Variants in MASTL observed in about 807,000 individuals in gnomAD.
MASTL encodes the protein microtubule associated serine/threonine kinase like.
A neutral mutation model predicts 82.5 loss-of-function variants in MASTL; 54 were observed. The ratio of observed to expected loss-of-function variants is 0.65; its 90% confidence interval spans 0.53 to 0.82. The LOEUF is 0.82. Among genes scored for constraint, MASTL ranks in the 40% least tolerant of loss-of-function variants. The pLI is 0.00. For missense variants in MASTL, 950 were observed against 1,047.8 expected (o/e 0.91, Z 1.29); for synonymous variants, 323 against 368.9 (o/e 0.88, Z 1.43).
intron 11 of MASTL, among the ~76,000 whole-genome samples, chr10:27,184,914 A>G (rs1476855021): frequency 6.6e-6 from 1 of 152,182 alleles, no homozygotes; most frequent in Non-Finnish European, 1.5e-5. Context: ...AATGACAGGT[A>G]ATGAAATGGC....
At position 27,167,278 on chromosome 10, in the gene MASTL, TG is replaced by T. The variant is rs758376650; in HGVS notation, c.984+5del. 6 of 1,610,510 alleles carry T rather than the reference TG, an allele frequency of 3.7e-6. No homozygotes were observed. In the South Asian group the frequency reaches 6.6e-5, roughly 18 times the overall value. ...CAAATGGGAAAAAGATTGCCAGGTT[TG>T]AGGGACATTTATCTTAATGAAAATC... On this transcript the variant is annotated splice_donor_5th_base_variant and intron_variant, in intron 7 of 11. Coordinates refer to ENST00000375940, the MANE Select transcript of MASTL (RefSeq NM_001172303.3).
chr10:27,157,930 G>A (rs937570669), intron 1 of MASTL, among the ~76,000 whole-genome samples: 2 of 151,978 alleles, frequency 1.3e-5, no homozygotes, highest in Non-Finnish European at 2.9e-5. Context: ...GGGCTTATGA[G>A]GAATGTAACT....
At chr10:27,174,531 C>T (rs1414440757) in intron 9 of MASTL, among the ~76,000 whole-genome samples, 4 of 152,106 alleles carry the variant, frequency 2.6e-5, no homozygotes, top group African/African-American at 9.7e-5. Context: ...TTTCACAGTT[C>T]TGGAAGCTAG....
At chr10:27,175,447 G>A (rs1408294256) in intron 9 of MASTL, among the ~76,000 whole-genome samples, 1 of 152,142 alleles carries the variant, frequency 6.6e-6, no homozygotes, top group East Asian at 1.9e-4. Context: ...CTTCTGAAGT[G>A]CTGGGATTAC....
chr10:27,181,628 A>G (rs1474226807), intron 11 of MASTL, 47 bp downstream of exon 11: 2 of 1,383,416 alleles, frequency 1.4e-6, no homozygotes, highest in Non-Finnish European at 2.0e-6. Flanking sequence ...TTTTTTGCAG[A>G]TGGTGAATAT....
At chr10:27,167,627 T>A (rs1436770080) in intron 7 of MASTL, among the ~76,000 whole-genome samples, 1 of 152,232 alleles carries the variant, frequency 6.6e-6, no homozygotes, top group Non-Finnish European at 1.5e-5. Flanking sequence ...GTTTTTAACC[T>A]ATGTCATTTA....
At chr10:27,155,245 G>A, upstream of MASTL, 2 of 635,606 alleles carry the variant, frequency 3.1e-6, no homozygotes, top group South Asian at 1.9e-5. Context: ...TGCGAAGTCG[G>A]GGCTTTCCCG....
At position 27,186,522 on chromosome 10, in the gene MASTL, G is replaced by A; in HGVS notation, c.2626G>A (p.Gly876Arg). 1 of 1,613,972 alleles carries A rather than the reference G, an allele frequency of 6.2e-7. No individual in the cohort carries two copies. Among genetic ancestry groups the A allele is most frequent in the Non-Finnish European group, 8.5e-7 (1 of 1,179,952 alleles). ...RNTAQHLTVSGFSL is the reference protein window; with the variant it reads ...RNTAQHLTVSRFSL Reference sequence around the variant, plus strand: ...TACTGCTCAGCACCTGACTGTATCTGGATTTAGTCTGTAGCACAAAAATTT... The same window carrying A: ...TACTGCTCAGCACCTGACTGTATCTAGATTTAGTCTGTAGCACAAAAATTT... Residue 876 changes from glycine to arginine, a missense_variant, in exon 12 of 12, where the codon GGA becomes AGA. Coordinates refer to ENST00000375940, the MANE Select transcript of MASTL (RefSeq NM_001172303.3).
chr10:27,165,273 C>A (rs2136018830), intron 5 of MASTL, 103 bp downstream of exon 5: 1 of 1,390,138 alleles, frequency 7.2e-7, no homozygotes, highest in South Asian at 1.2e-5. Flanking sequence ...ATTTAAATAT[C>A]AAGCATTTGG....
In MASTL at chr10:27,156,951, G is replaced by C. The variant is rs1002640325; in HGVS notation, c.186+1339G>C. On this transcript the variant is annotated intron_variant, in intron 1 of 11. Transcript: ENST00000375940. ...AGCCTCCCGAGTAGTTGGGATTCCC[G>C]CCACCACACCGGGCTAATTTTTTGT... Among the ~76,000 whole-genome samples, 11 of 149,060 alleles carry C rather than the reference G, an allele frequency of 7.4e-5. No individual in the cohort carries two copies. The Admixed American group carries it at 7.5e-4, about 10-fold the overall frequency.
Position 27,159,815 on chromosome 10 carries a change from T to G in MASTL, c.464+57T>G. 1 of 1,471,100 alleles carries G rather than the reference T, an allele frequency of 6.8e-7. No individual in the cohort carries two copies. The highest frequency in any genetic ancestry group is 1.1e-5 in the South Asian group (1 of 88,018). The allele number at this position is 1,471,100 out of a possible 1,614,324, so 91.1% of individuals were successfully genotyped here. A position where few individuals can be genotyped will look rare whatever the true frequency, so the allele number is the denominator to read the frequency against. On this transcript the variant is annotated intron_variant, in intron 3 of 11. Transcript: ENST00000375940. The surrounding 1 kb of genome is among the most constrained non-coding windows in gnomAD (Gnocchi z 4.0). The stretch of plus-strand genomic sequence containing the variant: ...AAAATTCAAGTAATCAAATTACATA[T>G]TTGAGTCTCAGATATTCACAGTAAC...
At chr10:27,166,980 AATTCTTAATACATATTAATATG>A in intron 6 of MASTL, 100 bp from the exon 7 acceptor site, 2 of 118,810 alleles carry the variant, frequency 1.7e-5, no homozygotes, top group Non-Finnish European at 3.6e-5. Context: ...TCTGATATGT[AATTCTTAATACATATTAATATG>A]TAATTCTTGA....
chr10:27,172,744 C>T (rs866517409), intron 8 of MASTL, among the ~76,000 whole-genome samples: 79 of 152,172 alleles, frequency 5.2e-4, no homozygotes, highest in African/African-American at 1.8e-3. Context: ...TTCTGTCTTA[C>T]GTGTTGTCTT....
Position 27,183,955 on chromosome 10 carries a change from G to A in MASTL, c.2482+2374G>A, listed in dbSNP as rs1047121381. Reference sequence around the variant, plus strand: ...TCGAACTCCTGGGCTCAAGCCATCCGCCCACCTTGGCCTCCCTAAGTACTG... The same window carrying A: ...TCGAACTCCTGGGCTCAAGCCATCCACCCACCTTGGCCTCCCTAAGTACTG... On this transcript the variant is annotated intron_variant, in intron 11 of 11. Transcript: ENST00000375940. Among the ~76,000 whole-genome samples, 24 of 152,026 alleles carry A rather than the reference G, an allele frequency of 1.6e-4. No homozygotes were observed. The East Asian group carries it at 1.9e-3, about 12-fold the overall frequency.
At chr10:27,180,380 CTTT>C (rs2058234266) in intron 9 of MASTL, among the ~76,000 whole-genome samples, 1 of 272 alleles carries the variant, frequency 3.7e-3, no homozygotes, top group Non-Finnish European at 8.3e-3. Context: ...TCGCATTTTT[CTTT>C]TCTTTTCTTT....
At chr10:27,165,304 TAC>T (rs1279863413) in intron 5 of MASTL, 83 bp from the exon 6 acceptor site, 1 of 1,453,836 alleles carries the variant, frequency 6.9e-7, no homozygotes, top group East Asian at 2.3e-5. Flanking sequence ...ACAGTTTGTC[TAC>T]TTAGGTGGTA....
At chr10:27,163,360 G>A (rs2057635741) in intron 4 of MASTL, among the ~76,000 whole-genome samples, 1 of 152,096 alleles carries the variant, frequency 6.6e-6, no homozygotes, top group Non-Finnish European at 1.5e-5. Flanking sequence ...AAAGAAATCT[G>A]ACTTTGAAAT....
chr10:27,159,843 C>T lies in MASTL; in HGVS notation c.464+85C>T, dbSNP rs773410017. On this transcript the variant is annotated intron_variant, in intron 3 of 11. Coordinates refer to ENST00000375940, the MANE Select transcript of MASTL (RefSeq NM_001172303.3). This position sits in a 1 kb window ranked among gnomAD's most constrained non-coding sequence, Gnocchi z 4.0. ...GAGTCTCAGATATTCACAGTAACCA[C>T]TTGCACTTATTTCCAGGTTATCTAA... 2.0e-5 allele frequency: 23 copies of T among 1,161,436 alleles called. No individual in the cohort carries two copies. The highest frequency in any genetic ancestry group is 2.8e-5 in the Non-Finnish European group (22 of 778,926). 71.9% of individuals were successfully genotyped at this position (1,161,436 alleles called of 1,614,324 possible).
intron 1 of MASTL, among the ~76,000 whole-genome samples, chr10:27,157,398 A>T (rs1219385559): frequency 2.0e-5 from 3 of 152,182 alleles, no homozygotes; most frequent in Non-Finnish European, 2.9e-5. Context: ...GGAACAAAAC[A>T]CACATGCCCT....
Sources: allele counts gnomAD v4.1 joint callset (sites outside exome capture counted in the v4.1 genomes callset), GRCh38; gene constraint gnomAD v4.1.1; non-coding constraint Gnocchi (gnomAD v3.1); transcripts MANE v1.5; gene names NCBI Gene and HGNC (gene_info 2026-07-23, HGNC 2026-07-21).